Variants in FREM1 observed in about 807,000 individuals in gnomAD.
FREM1 encodes FRAS1 related extracellular matrix 1.
Under a neutral mutation model 210.1 loss-of-function variants are expected in FREM1, and 220 were observed. The ratio of observed to expected loss-of-function variants is 1.05; its 90% CI spans 0.94 to 1.17. FREM1 has a LOEUF of 1.17. Ranked by LOEUF, FREM1 falls within the 50% of genes most tolerant of loss-of-function variation. The pLI, the probability that FREM1 is intolerant of heterozygous loss-of-function variation, is 0.00. For missense variants in FREM1, 3,454 were observed against 2,675.5 expected (o/e 1.29, Z -6.42); for synonymous variants, 1,189 against 980.2 (o/e 1.21, Z -3.98).
rs368346957 is a variant in FREM1, at chr9:14,784,499, C to T, written c.4313G>A (p.Arg1438Gln). 7.4e-6 allele frequency: 12 copies of T among 1,613,720 alleles called. No individual in the cohort carries two copies. Among genetic ancestry groups the T allele is most frequent in the Middle Eastern group, 3.3e-4 (2 of 6,082 alleles). The part of the protein sequence containing the change: ...ELLYVITSPP[R>Q]YGQIEYVHYP... The stretch of plus-strand genomic sequence containing the variant: ...GTGAACATATTCGATCTGGCCATAT[C>T]GCGGAGGGGAGGTGATGACATAGAG... The change falls in exon 24 of 37, where the codon CGA becomes CAA. Residue 1438 changes from arginine (R) to glutamine (Q), a missense_variant. Coordinates refer to ENST00000380880, the MANE Select transcript of FREM1 (RefSeq NM_001379081.2).
At chr9:14,747,795 C>A (rs1473150264) in intron 31 of FREM1, 67 bp from the exon 32 acceptor site, 4 of 890,032 alleles carry the variant, frequency 4.5e-6, no homozygotes, top group Non-Finnish European at 6.9e-6. Context: ...TAGGGTAAAA[C>A]CACCAAGTAA....
In FREM1 at chr9:14,869,135, A is replaced by G. The variant is rs1832106574; in HGVS notation, c.-158T>C. 9.0e-6 allele frequency: 5 copies of G among 555,870 alleles called. No individual in the cohort carries two copies. Among genetic ancestry groups the G allele is most frequent in the Non-Finnish European group, 1.3e-5 (4 of 315,568 alleles). 34.4% of individuals were successfully genotyped at this position (555,870 alleles called of 1,614,324 possible). On this transcript the variant is annotated 5_prime_UTR_variant, in exon 2 of 37. Coordinates refer to ENST00000380880, the MANE Select transcript of FREM1 (RefSeq NM_001379081.2). The stretch of plus-strand genomic sequence containing the variant: ...ATCTTAACATGCCCCTTTCATTTCA[A>G]AGTCAGACAAGGGGGCCTTTCAGGC...
rs758512816 is a variant in FREM1 at position 14,746,447 on chromosome 9, G to A, written c.6160C>T (p.Pro2054Ser). The change falls in exon 35 of 37, where the codon CCA becomes TCA. Residue 2054 changes from proline to serine, a missense_variant. Pro to Ser is a moderately conservative substitution (Grantham distance 74). Transcript: ENST00000380880. The part of the protein sequence containing the change: ...QTKDVEDKSC[P>S]AGWHQHSGYC... Reference sequence around the variant, plus strand: ...CCTGAGTGCTGGTGCCACCCGGCTGGACAGGATTTGTCTTCCACATCCTGA... The same window carrying A: ...CCTGAGTGCTGGTGCCACCCGGCTGAACAGGATTTGTCTTCCACATCCTGA... 6.2e-7 allele frequency: 1 copy of A among 1,613,448 alleles called. No individual in the cohort carries two copies. Among genetic ancestry groups the A allele is most frequent in the African/African-American group, 1.3e-5 (1 of 74,902 alleles).
chr9:14,899,488 G>T (rs182209579), intron 1 of FREM1, among the ~76,000 whole-genome samples: 9 of 152,284 alleles, frequency 5.9e-5, no homozygotes, highest in Admixed American at 1.3e-4. Context: ...AACATCACAG[G>T]CTGCAAATAA....
intron 3 of FREM1, among the ~76,000 whole-genome samples, chr9:14,860,816 C>CACATAT (rs1343792119): frequency 1.4e-5 from 1 of 72,184 alleles, no homozygotes; most frequent in Non-Finnish European, 2.9e-5. Flanking sequence ...TACATATATA[C>CACATAT]ACATATATAC....
rs766681894 is a variant in FREM1, at chr9:14,756,467, C to A, written c.5335-21G>T. On this transcript the variant is annotated intron_variant, in intron 28 of 36. Transcript: ENST00000380880. ...TTGACCTTAGGAGGGAAAAAAAAAT[C>A]TTTTTAAGATAAAAATAAATATTCT... 1.7e-5 allele frequency: 26 copies of A among 1,533,416 alleles called. No individual in the cohort carries two copies. In the African/African-American group the frequency reaches 2.0e-4, roughly 12 times the overall value. The allele number at this position is 1,533,416 out of a possible 1,614,324, so 95.0% of individuals were successfully genotyped here.
At chr9:14,900,151 A>G (rs372681756) in intron 1 of FREM1, among the ~76,000 whole-genome samples, 1 of 152,256 alleles carries the variant, frequency 6.6e-6, no homozygotes, top group African/African-American at 2.4e-5. Flanking sequence ...TGAGAACGGG[A>G]AACACACCAA....
At chr9:14,809,397 A>T (rs1818977258) in intron 16 of FREM1, among the ~76,000 whole-genome samples, 1 of 152,240 alleles carries the variant, frequency 6.6e-6, no homozygotes. Context: ...GATCAGGGAC[A>T]TCCTCCCTTT....
intron 10 of FREM1, among the ~76,000 whole-genome samples, chr9:14,832,586 C>T (rs1031854980): frequency 6.6e-6 from 1 of 152,140 alleles, no homozygotes; most frequent in African/African-American, 2.4e-5. Context: ...TTTAAAATGG[C>T]TTCTATCTCT....
chr9:14,855,518 A>G (rs894500595), intron 5 of FREM1, among the ~76,000 whole-genome samples: 1 of 152,298 alleles, frequency 6.6e-6, no homozygotes, highest in South Asian at 2.1e-4. Flanking sequence ...AACAAGATAC[A>G]AAACTTCACA....
At position 14,740,336 on chromosome 9, in the gene FREM1, A is replaced by C. The variant is rs1727382942; in HGVS notation, c.6255-102T>G. 1.3e-5 allele frequency: 11 copies of C among 847,946 alleles called. No homozygotes were observed. In the South Asian group the frequency reaches 1.5e-4, roughly 12 times the overall value. 52.5% of individuals were successfully genotyped at this position (847,946 alleles called of 1,614,324 possible). On this transcript the variant is annotated intron_variant, in intron 35 of 36. Transcript: ENST00000380880. ...AAAAGTAAGTTTAAAATACACAAAA[A>C]AGTAGGTCTTTAAAAAAACTTTCTA...
chr9:14,819,148 C>G (rs1820822107), intron 14 of FREM1, 86 bp downstream of exon 14: 1 of 951,744 alleles, frequency 1.1e-6, no homozygotes, highest in African/African-American at 1.6e-5. Context: ...AGAAATTGGA[C>G]AAACTTCTTT....
rs1249625806 is a variant in FREM1 at position 14,860,940 on chromosome 9, C to T, written c.330-1456G>A. ...ATACACATATATACACATATACACA[C>T]ATATACACATATACACATATATACA... is the stretch of plus-strand genomic sequence containing the variant. On this transcript the variant is annotated intron_variant, in intron 3 of 36. Coordinates refer to ENST00000380880, the MANE Select transcript of FREM1 (RefSeq NM_001379081.2). 8.3e-4 allele frequency among the ~76,000 whole-genome samples: 56 copies of T among 67,178 alleles called. 6 individuals are homozygous for T. Among genetic ancestry groups the T allele is most frequent in the African/African-American group, 2.9e-3 (34 of 11,566 alleles). 44.1% of individuals were successfully genotyped at this position (67,178 alleles called of 152,430 possible).
In FREM1 at chr9:14,788,856, T is replaced by A. The variant is rs1850828428; in HGVS notation, c.4177+63A>T. The A allele has an allele frequency of 9.0e-6, 11 of 1,228,846 alleles. No individual in the cohort carries two copies. The East Asian group carries it at 2.8e-4, about 31-fold the overall frequency. 76.1% of individuals were successfully genotyped at this position (1,228,846 alleles called of 1,614,324 possible). A position where few individuals can be genotyped will look rare whatever the true frequency, so the allele number is the denominator to read the frequency against. Reference sequence around the variant, plus strand: ...AGGGAAAGAGAGAGAAAGAAACGAATGTGGAATACTTATACCAGTTAGCAA... The same window carrying A: ...AGGGAAAGAGAGAGAAAGAAACGAAAGTGGAATACTTATACCAGTTAGCAA... On this transcript the variant is annotated intron_variant, in intron 23 of 36. Transcript: ENST00000380880.
rs544496922 is a variant in FREM1 at position 14,804,429 on chromosome 9, C to CA, written c.3471+526dup. Among the ~76,000 whole-genome samples the CA allele has an allele frequency of 1.4e-4, 22 of 152,078 alleles. No homozygotes were observed. In the South Asian group the frequency reaches 4.4e-3, roughly 30 times the overall value. Reference sequence around the variant, plus strand: ...TGAAACCCCGTCTCTAGTGAAAATACAAAAAATTAGCCGGGCGTGGTGGCG... The same window carrying CA: ...TGAAACCCCGTCTCTAGTGAAAATACAAAAAAATTAGCCGGGCGTGGTGGCG... On this transcript the variant is annotated intron_variant, in intron 19 of 36. Transcript: ENST00000380880.
At chr9:14,745,456 T>C (rs964405458) in intron 35 of FREM1, among the ~76,000 whole-genome samples, 1 of 152,202 alleles carries the variant, frequency 6.6e-6, no homozygotes, top group Admixed American at 6.5e-5. Context: ...AATCATTTAT[T>C]ATTGTTTGAA....
At chr9:14,756,039 C>T in intron 29 of FREM1, among the ~76,000 whole-genome samples, 1 of 152,060 alleles carries the variant, frequency 6.6e-6, no homozygotes, top group East Asian at 1.9e-4. Context: ...ATATCTGAGG[C>T]AATTAAACTA....
At chr9:14,786,008 G>A (rs141778739) in intron 23 of FREM1, among the ~76,000 whole-genome samples, 17 of 152,040 alleles carry the variant, frequency 1.1e-4, no homozygotes, top group African/African-American at 4.1e-4. Context: ...CACAAACTAG[G>A]GACCATAATT....
At position 14,770,723 on chromosome 9, in the gene FREM1, G is replaced by A. The variant is rs373880888; in HGVS notation, c.4941C>T (p.Tyr1647=). 3.1e-4 allele frequency: 495 copies of A among 1,613,334 alleles called. 4 individuals carry two copies. In the South Asian group the frequency reaches 4.4e-3, roughly 14 times the overall value. ...SQVGLLKNGC[Y]GIYITSRVLK... is the part of the protein sequence containing the mutation. ...ACACGCGGGAAGTGATGTAAATCCC[G>A]TAGCAGCCATTTTTCAGGAGCCCCA... The change falls in exon 26 of 37, where the codon TAC becomes TAT. Residue 1647 remains tyrosine, a synonymous_variant. Transcript: ENST00000380880.
Sources: allele counts gnomAD v4.1 joint callset (sites outside exome capture counted in the v4.1 genomes callset), GRCh38; gene constraint gnomAD v4.1.1; transcripts MANE v1.5; gene names NCBI Gene and HGNC (gene_info 2026-07-23, HGNC 2026-07-21).